Variants in LYPD6B observed in about 807,000 individuals in gnomAD.
LYPD6B encodes LY6/PLAUR domain containing 6B.
A neutral mutation model predicts 22.8 loss-of-function variants in LYPD6B; 17 were observed. That is an observed-to-expected ratio of 0.75 (90% CI 0.51 to 1.12). The LOEUF is 1.12. Ranked by LOEUF, LYPD6B falls within the 50% of genes most tolerant of loss-of-function variation. LYPD6B has a pLI of 0.00. For missense variants in LYPD6B, 221 were observed against 258.3 expected (o/e 0.86, Z 0.99); for synonymous variants, 106 against 91.6 (o/e 1.16, Z -0.90).
intron 3 of LYPD6B, among the ~76,000 whole-genome samples, chr2:149,192,293 C>A (rs1052189322): frequency 6.6e-6 from 1 of 152,016 alleles, no homozygotes; most frequent in Non-Finnish European, 1.5e-5. Context: ...ATATTTTTGT[C>A]GGGAAGAAAC....
intron 1 of LYPD6B, among the ~76,000 whole-genome samples, chr2:149,073,327 C>G (rs945383327): frequency 1.3e-5 from 2 of 152,224 alleles, no homozygotes; most frequent in African/African-American, 2.4e-5. Context: ...AGGTAGAAAA[C>G]CAGCTGAAGC....
chr2:149,152,092 C>T (rs1382582875), intron 2 of LYPD6B, among the ~76,000 whole-genome samples: 1 of 152,126 alleles, frequency 6.6e-6, no homozygotes, highest in African/African-American at 2.4e-5. Flanking sequence ...TTTTCAAAAG[C>T]TTTCTTTTCT....
At chr2:149,147,706 G>T (rs188338292) in intron 2 of LYPD6B, among the ~76,000 whole-genome samples, 11 of 152,120 alleles carry the variant, frequency 7.2e-5, no homozygotes, top group Admixed American at 6.5e-5. Flanking sequence ...TAGAGACAGG[G>T]TTTCACCACG....
chr2:149,142,838 A>G lies in LYPD6B; in HGVS notation c.5+11885A>G, dbSNP rs999883199. On this transcript the variant is annotated intron_variant, in intron 2 of 6. Coordinates refer to ENST00000409642, the MANE Select transcript of LYPD6B (RefSeq NM_177964.5). ...CTTGAACTAAGTATTTTTTTAATCG[A>G]CTTTTTCCTTCTTCACCTGATTACA... Among the ~76,000 whole-genome samples, 3 of 152,042 alleles carry G rather than the reference A, an allele frequency of 2.0e-5. No homozygotes were observed. In the South Asian group the frequency reaches 6.2e-4, roughly 32 times the overall value.
At chr2:149,039,451 G>A (rs966199596) in intron 1 of LYPD6B, among the ~76,000 whole-genome samples, 4 of 152,222 alleles carry the variant, frequency 2.6e-5, no homozygotes, top group Non-Finnish European at 5.9e-5. Context: ...GAGCTGGTGG[G>A]TGGAGGGGTG....
chr2:149,040,916 T>C (rs1471511954), intron 1 of LYPD6B, among the ~76,000 whole-genome samples: 1 of 152,206 alleles, frequency 6.6e-6, no homozygotes. Flanking sequence ...CCAGGGCCTC[T>C]GCCAAGGGCG....
chr2:149,176,864 A>ATT (rs1281671603), intron 3 of LYPD6B, among the ~76,000 whole-genome samples: 8 of 152,198 alleles, frequency 5.3e-5, no homozygotes, highest in Non-Finnish European at 5.9e-5. Flanking sequence ...AAACTTTAAA[A>ATT]TTAGAGTAGC....
intron 2 of LYPD6B, among the ~76,000 whole-genome samples, chr2:149,145,221 A>G (rs1237222101): frequency 1.3e-5 from 2 of 152,336 alleles, no homozygotes; most frequent in Non-Finnish European, 1.5e-5. Context: ...CTGTTAGTCC[A>G]GGTCAAATTT....
chr2:149,139,392 A>G (rs756704620), intron 2 of LYPD6B, among the ~76,000 whole-genome samples: 8 of 152,272 alleles, frequency 5.3e-5, no homozygotes, highest in Middle Eastern at 3.4e-3. Context: ...TGATTTTCAG[A>G]TGGAGACCAT....
intron 1 of LYPD6B, among the ~76,000 whole-genome samples, chr2:149,103,354 T>G (rs1388058201): frequency 6.6e-6 from 1 of 152,178 alleles, no homozygotes; most frequent in Admixed American, 6.5e-5. Flanking sequence ...TCACAGAACA[T>G]TAAGCTTAAC....
intron 3 of LYPD6B, among the ~76,000 whole-genome samples, chr2:149,173,085 CCTGA>C (rs776115162): frequency 3.3e-5 from 5 of 151,316 alleles, no homozygotes; most frequent in Non-Finnish European, 7.4e-5. Context: ...TCTGGAAAAA[CCTGA>C]CTAATACAAT....
chr2:149,192,913 T>G (rs1692585196), intron 3 of LYPD6B, among the ~76,000 whole-genome samples: 1 of 152,058 alleles, frequency 6.6e-6, no homozygotes, highest in South Asian at 2.1e-4. Context: ...GGGCAGTCTC[T>G]GGGGGGCTTT....
chr2:149,065,421 A>G (rs1684275529), intron 1 of LYPD6B, among the ~76,000 whole-genome samples: 1 of 152,226 alleles, frequency 6.6e-6, no homozygotes, highest in African/African-American at 2.4e-5. Flanking sequence ...TTTAATCACC[A>G]AGGGTTGATC....
chr2:149,210,298 C>G (rs371356278), intron 5 of LYPD6B, among the ~76,000 whole-genome samples: 13 of 152,234 alleles, frequency 8.5e-5, no homozygotes, highest in East Asian at 7.7e-4. Flanking sequence ...CTTTCCACCA[C>G]CAAGAAAACA....
At position 149,130,959 on chromosome 2, in the gene LYPD6B, T is replaced by C. The variant is rs1383099002; in HGVS notation, c.5+6T>C. The C allele has an allele frequency of 3.8e-6, 6 of 1,598,476 alleles. No individual in the cohort carries two copies. The highest frequency in any genetic ancestry group is 5.1e-6 in the Non-Finnish European group (6 of 1,165,840). ...TTGTTAATCACATGGATGTTGTGAG[T>C]ATTATATTCACAAGTGGATGTAGAG... On this transcript the variant is annotated splice_donor_region_variant and intron_variant, in intron 2 of 6. Coordinates refer to ENST00000409642, the MANE Select transcript of LYPD6B (RefSeq NM_177964.5).
At chr2:149,131,857 A>G (rs1343823114) in intron 2 of LYPD6B, among the ~76,000 whole-genome samples, 1 of 152,200 alleles carries the variant, frequency 6.6e-6, no homozygotes, top group Non-Finnish European at 1.5e-5. Flanking sequence ...GAGGCTAGAA[A>G]GAATTGATGA....
At chr2:149,062,217 C>A (rs910714482) in intron 1 of LYPD6B, among the ~76,000 whole-genome samples, 1 of 152,156 alleles carries the variant, frequency 6.6e-6, no homozygotes, top group Non-Finnish European at 1.5e-5. Flanking sequence ...GAACTCCCAA[C>A]CTCAGGTGAT....
At chr2:149,206,299 T>G (rs996174430) in intron 4 of LYPD6B, 30 of 239,282 alleles carry the variant, frequency 1.3e-4, no homozygotes, top group Non-Finnish European at 2.0e-4. Flanking sequence ...CCCCTCTTCT[T>G]ATACTACTCA....
chr2:149,129,900 G>A (rs1687919548), intron 1 of LYPD6B, among the ~76,000 whole-genome samples: 2 of 148,302 alleles, frequency 1.3e-5, no homozygotes, highest in Admixed American at 6.8e-5. Flanking sequence ...CCAACAAGGC[G>A]TGGTGTCTGG....
Sources: gnomAD v4.1 joint callset for allele counts (sites outside exome capture counted in the v4.1 genomes callset) on GRCh38, gnomAD v4.1.1 for gene constraint, MANE v1.5 for transcripts, NCBI Gene and HGNC (gene_info 2026-07-23, HGNC 2026-07-21) for gene names.